The following JAM2 variants were observed in gnomAD, a reference collection of about 807,000 sequenced individuals.
JAM2 encodes the protein junctional adhesion molecule B.
JAM2 carries 17 observed loss-of-function variants against 42.0 expected under a neutral mutation model. That is an observed-to-expected ratio of 0.40 (90% CI 0.28 to 0.61). The LOEUF (loss-of-function observed/expected upper bound fraction) is 0.61. Among genes scored for constraint, JAM2 ranks in the 20% least tolerant of loss-of-function variants. The pLI, the probability that JAM2 is intolerant of heterozygous loss-of-function variation, is 0.37. For synonymous variants in JAM2, 118 were observed against 128.6 expected (o/e 0.92, Z 0.56); for missense variants, 319 against 358.3 (o/e 0.89, Z 0.89).
chr21:25,677,116 C>A lies in JAM2; in HGVS notation c.68-6767C>A, dbSNP rs978152511. Among the ~76,000 whole-genome samples, 21 of 151,780 alleles carry A rather than the reference C, an allele frequency of 1.4e-4. 1 individual carries two copies. Among genetic ancestry groups the A allele is most frequent in the Non-Finnish European group, 2.8e-4 (19 of 67,966 alleles). Reference sequence around the variant, plus strand: ...ACAATGTATGTTTGGATGACGGCTACACTAAAAGCCCAGACTTCACCACTA... The same window carrying A: ...ACAATGTATGTTTGGATGACGGCTAAACTAAAAGCCCAGACTTCACCACTA... On this transcript the variant is annotated intron_variant, in intron 1 of 9. Transcript: ENST00000480456.
intron 1 of JAM2, among the ~76,000 whole-genome samples, chr21:25,654,647 C>CA (rs34222589): frequency 0.34 from 30,866 of 91,262 alleles, 4,772 homozygotes; most frequent in East Asian, 0.6. Flanking sequence ...GACTTTCTCT[C>CA]AAAAAAAAAA....
At position 25,683,905 on chromosome 21, in the gene JAM2, T is replaced by C. The variant is rs1416517852; in HGVS notation, c.90T>C (p.Ser30=). 1 of 1,609,024 alleles carries C rather than the reference T, an allele frequency of 6.2e-7. No individual in the cohort carries two copies. Among genetic ancestry groups the C allele is most frequent in the South Asian group, 1.1e-5 (1 of 90,820 alleles). Residue 30 remains serine (S), a synonymous_variant, in exon 2 of 10, where the codon TCT becomes TCC. Transcript: ENST00000480456. The stretch of plus-strand genomic sequence containing the variant: ...CAGATCATAAGGCCTATGGGTTTTC[T>C]GCCCCAAAAGACCAACAAGTAGTCA... ...ALGYHKAYGF[S]APKDQQVVTA...
chr21:25,680,573 T>C (rs1460589232), intron 1 of JAM2, among the ~76,000 whole-genome samples: 1 of 152,186 alleles, frequency 6.6e-6, no homozygotes, highest in South Asian at 2.1e-4. Context: ...CAGTTTTGCC[T>C]ATGAGTTTGT....
At position 25,694,978 on chromosome 21, in the gene JAM2, CT is replaced by C. The variant is rs369880449; in HGVS notation, c.394+1084del. Among the ~76,000 whole-genome samples, 630 of 141,592 alleles carry C rather than the reference CT, an allele frequency of 4.4e-3. 1 individual carries two copies. The highest frequency in any genetic ancestry group is 6.8e-3 in the Non-Finnish European group (443 of 64,826). The allele number at this position is 141,592 out of a possible 152,430, so 92.9% of individuals were successfully genotyped here. A position where few individuals can be genotyped will look rare whatever the true frequency, so the allele number is the denominator to read the frequency against. ...AAACAGCTCCCCTTCCTTTTTCTTTCTTTTTTTTTTTTTTAGTATTTATTGA... is the reference window on the plus strand; with the variant it reads ...AAACAGCTCCCCTTCCTTTTTCTTTCTTTTTTTTTTTTTAGTATTTATTGA... On this transcript the variant is annotated intron_variant, in intron 4 of 9. Transcript: ENST00000480456.
At chr21:25,666,089 C>T (rs2033212473) in intron 1 of JAM2, among the ~76,000 whole-genome samples, 1 of 152,014 alleles carries the variant, frequency 6.6e-6, no homozygotes, top group African/African-American at 2.4e-5. Flanking sequence ...AACACCCTCA[C>T]AGAAACATCC....
At chr21:25,702,300 G>A (rs928604942) in intron 6 of JAM2, 31 bp downstream of exon 6, 5 of 1,431,084 alleles carry the variant, frequency 3.5e-6, no homozygotes, top group Non-Finnish European at 4.9e-6. Context: ...GGAACAAATG[G>A]TTTGCAATTC....
intron 1 of JAM2, among the ~76,000 whole-genome samples, chr21:25,659,642 G>A (rs1362596401): frequency 1.3e-5 from 2 of 152,070 alleles, no homozygotes; most frequent in Non-Finnish European, 2.9e-5. Flanking sequence ...ATTTTTGAAG[G>A]TGGAAAAAAC....
intron 4 of JAM2, among the ~76,000 whole-genome samples, chr21:25,696,116 G>C (rs1423007475): frequency 6.6e-6 from 1 of 152,230 alleles, no homozygotes; most frequent in Non-Finnish European, 1.5e-5. Context: ...CTGAGTGAAC[G>C]AGACTCCGTC....
intron 1 of JAM2, among the ~76,000 whole-genome samples, chr21:25,645,795 G>T (rs1237480185): frequency 6.6e-6 from 1 of 152,154 alleles, no homozygotes; most frequent in Admixed American, 6.5e-5. Context: ...TTGCTCCTAG[G>T]CTACAAACCT....
At chr21:25,709,255 T>C (rs890201203) in intron 7 of JAM2, among the ~76,000 whole-genome samples, 179 bp from the exon 8 acceptor site, 3 of 152,136 alleles carry the variant, frequency 2.0e-5, no homozygotes, top group African/African-American at 7.2e-5. Context: ...AAGCCTAAAA[T>C]GGTTGCTGTA....
rs143251143 is a variant in JAM2 at position 25,682,562 on chromosome 21, T to C, written c.68-1321T>C. Among the ~76,000 whole-genome samples, 618 of 152,240 alleles carry C rather than the reference T, an allele frequency of 4.1e-3. 5 individuals carry two copies. The highest frequency in any genetic ancestry group is 0.013 in the African/African-American group (560 of 41,554). On this transcript the variant is annotated intron_variant, in intron 1 of 9. Coordinates refer to ENST00000480456, the MANE Select transcript of JAM2 (RefSeq NM_021219.4). The stretch of plus-strand genomic sequence containing the variant: ...GCAGACAGACAGCTGCAGGAGCCCA[T>C]GTGGGTGTGTGTTACAATGTGCCCT...
rs1332625849 is a variant in JAM2 at position 25,684,495 on chromosome 21, A to G, written c.133+547A>G. On this transcript the variant is annotated intron_variant, in intron 2 of 9. Transcript: ENST00000480456. ...AACTATACAGTTAAAAATGGTCAAG[A>G]TGGTGAATTTTACGTTTATTTTGCC... Among the ~76,000 whole-genome samples the G allele has an allele frequency of 2.0e-5, 3 of 152,154 alleles. No homozygotes were observed. In the South Asian group the frequency reaches 6.2e-4, roughly 32 times the overall value.
intron 4 of JAM2, among the ~76,000 whole-genome samples, chr21:25,697,007 ATTTT>A (rs11348784): frequency 7.5e-6 from 1 of 133,342 alleles, no homozygotes; most frequent in African/African-American, 2.8e-5. Context: ...GCACACACCT[ATTTT>A]TTTTTTTTTT....
intron 1 of JAM2, among the ~76,000 whole-genome samples, chr21:25,649,703 G>A (rs1339338570): frequency 2.0e-5 from 3 of 152,100 alleles, no homozygotes; most frequent in Admixed American, 6.5e-5. Flanking sequence ...ATCCCATAAT[G>A]AGCAAAAGTT....
rs76640227 is a variant in JAM2, at chr21:25,683,014, T to C, written c.68-869T>C. On this transcript the variant is annotated intron_variant, in intron 1 of 9. Transcript: ENST00000480456. ...TCTAGAACCTGGGATTTGGGGTTTA[T>C]ATAGGTACAGGACAGGGGCATGGTG... 9.5e-3 allele frequency among the ~76,000 whole-genome samples: 1,450 copies of C among 152,234 alleles called. 20 individuals are homozygous for C. The highest frequency in any genetic ancestry group is 0.033 in the African/African-American group (1,389 of 41,504).
chr21:25,655,914 GT>G lies in JAM2; in HGVS notation c.67+16038del, dbSNP rs11371745. ...TTATTTAGTCTATTTCCCACTAATA[GT>G]TTTTTTTTTTTAATGCCTTTTAAAA... On this transcript the variant is annotated intron_variant, in intron 1 of 9. Transcript: ENST00000480456. Among the ~76,000 whole-genome samples the G allele has an allele frequency of 9.3e-3, 1,343 of 145,182 alleles. 19 individuals carry two copies. The highest frequency in any genetic ancestry group is 0.024 in the African/African-American group (976 of 40,076).
At chr21:25,653,327 CTT>C (rs776304745) in intron 1 of JAM2, among the ~76,000 whole-genome samples, 4 of 152,118 alleles carry the variant, frequency 2.6e-5, no homozygotes, top group African/African-American at 4.8e-5. Context: ...GACTAGGAAA[CTT>C]TGGAGGGACA....
intron 5 of JAM2, among the ~76,000 whole-genome samples, chr21:25,701,089 C>T (rs1051202460): frequency 1.3e-5 from 2 of 152,210 alleles, no homozygotes; most frequent in Non-Finnish European, 2.9e-5. Flanking sequence ...ACAACAAAGA[C>T]TCCAGTGTAT....
chr21:25,671,048 T>C (rs2123347687), intron 1 of JAM2, among the ~76,000 whole-genome samples: 1 of 152,296 alleles, frequency 6.6e-6, no homozygotes. Context: ...AGCAGGAAAG[T>C]TGAAAAATAA....
Sources: allele counts gnomAD v4.1 joint callset (sites outside exome capture counted in the v4.1 genomes callset), GRCh38; gene constraint gnomAD v4.1.1; transcripts MANE v1.5; gene names NCBI Gene and HGNC (gene_info 2026-07-23, HGNC 2026-07-21).